BICRAL: variants seen among roughly 807,000 people sequenced by gnomAD.
BICRAL encodes the protein BICRA like chromatin remodeling complex associated protein.
BICRAL carries 8 observed loss-of-function variants against 91.8 expected under a neutral mutation model. The observed-to-expected ratio is 0.09, with a 90% CI of 0.05 to 0.16. The LOEUF (loss-of-function observed/expected upper bound fraction) is 0.16. Among genes scored for constraint, BICRAL ranks in the 10% least tolerant of loss-of-function variants. BICRAL has a pLI of 1.00. For synonymous variants in BICRAL, 445 were observed against 491.1 expected, an observed-to-expected ratio of 0.91 and a Z score of 1.24; for missense variants, 1,038 against 1,310.9, an observed-to-expected ratio of 0.79 and a Z score of 3.21.
In BICRAL at chr6:42,852,154, G is replaced by A. The variant is rs200632198; in HGVS notation, c.1902G>A (p.Leu634=). 1 of 1,613,822 alleles carries A rather than the reference G, an allele frequency of 6.2e-7. No individual in the cohort carries two copies. The highest frequency in any genetic ancestry group is 2.2e-5 in the East Asian group (1 of 44,876). The change falls in exon 7 of 13, where the codon CTG becomes CTA. Residue 634 remains leucine, a synonymous_variant. Coordinates refer to ENST00000314073, the MANE Select transcript of BICRAL (RefSeq NM_001393499.1). ...PISAPKTTDG[L]RQAQIPGLLS... is the part of the protein sequence containing the mutation. ...CTGCTCCCAAGACCACAGACGGCCTGAGGCAAGCACAGATCCCTGGGCTCT... is the reference window on the plus strand; with the variant it reads ...CTGCTCCCAAGACCACAGACGGCCTAAGGCAAGCACAGATCCCTGGGCTCT...
chr6:42,864,208 C>T (rs1581643478), intron 12 of BICRAL, among the ~76,000 whole-genome samples: 3 of 151,504 alleles, frequency 2.0e-5, no homozygotes, highest in African/African-American at 7.3e-5. Flanking sequence ...GGCATGGTGG[C>T]GGGCGCCTGT....
intron 6 of BICRAL, among the ~76,000 whole-genome samples, chr6:42,846,152 G>A (rs1765003434): frequency 1.3e-5 from 2 of 151,178 alleles, no homozygotes; most frequent in South Asian, 2.1e-4. Context: ...CGAGGCAGGC[G>A]CATCACGAGG....
rs201154175 is a variant in BICRAL, at chr6:42,832,389, A to ATG, written c.1839+2218_1839+2219insGT. ...ATATTATATATATATGTATGTATGT[A>ATG]TATATATATACATATATATGTATAT... On this transcript the variant is annotated intron_variant, in intron 6 of 12. Transcript: ENST00000314073. Among the ~76,000 whole-genome samples, 999 of 146,678 alleles carry ATG rather than the reference A, an allele frequency of 6.8e-3. 3 individuals carry two copies. Among genetic ancestry groups the ATG allele is most frequent in the African/African-American group, 0.022 (876 of 40,286 alleles).
intron 1 of BICRAL, among the ~76,000 whole-genome samples, chr6:42,750,350 G>A (rs1185860233): frequency 6.6e-6 from 1 of 151,120 alleles, no homozygotes; most frequent in Non-Finnish European, 1.5e-5. Context: ...TTTTTGCAAA[G>A]ACAGGGTTTT....
In BICRAL at chr6:42,789,341, C is replaced by A. The variant is rs993199161; in HGVS notation, c.-102+7240C>A. ...ATTGTAAATCTTACATATATTTTAC[C>A]ATAGTAAAAAATGAATTAGGCTGGG... On this transcript the variant is annotated intron_variant, in intron 1 of 12. Transcript: ENST00000314073. Among the ~76,000 whole-genome samples, 50 of 151,870 alleles carry A rather than the reference C, an allele frequency of 3.3e-4. 1 individual carries two copies. Among genetic ancestry groups the A allele is most frequent in the Non-Finnish European group, 1.5e-4 (10 of 67,968 alleles).
chr6:42,781,630 G>A (rs1035795110), upstream of BICRAL, among the ~76,000 whole-genome samples: 1 of 150,112 alleles, frequency 6.7e-6, no homozygotes, highest in Admixed American at 6.6e-5. Context: ...TGTGGAGAGA[G>A]AGCCTGCAAG....
chr6:42,789,758 G>A (rs867802064), intron 1 of BICRAL, among the ~76,000 whole-genome samples: 42 of 152,202 alleles, frequency 2.8e-4, no homozygotes, highest in Non-Finnish European at 4.9e-4. Flanking sequence ...TAAAGAGAAA[G>A]TATCTCTTCT....
At chr6:42,857,069 A>T in intron 9 of BICRAL, 22 bp from the exon 10 acceptor site, 1 of 1,593,716 alleles carries the variant, frequency 6.3e-7, no homozygotes, top group Non-Finnish European at 8.6e-7. Flanking sequence ...TTACATTGAC[A>T]TTGACCATTT....
chr6:42,762,925 C>T (rs1342759816), intron 1 of BICRAL, among the ~76,000 whole-genome samples: 1 of 148,076 alleles, frequency 6.8e-6, no homozygotes, highest in African/African-American at 2.5e-5. Flanking sequence ...GAGACTCTGT[C>T]TCAAAAAAAA....
intron 11 of BICRAL, 148 bp downstream of exon 11, chr6:42,860,504 T>C: frequency 1.8e-6 from 1 of 553,290 alleles, no homozygotes; most frequent in South Asian, 2.1e-5. Context: ...TAGCTGCTAC[T>C]ACAAAAACAG....
intron 1 of BICRAL, among the ~76,000 whole-genome samples, chr6:42,804,511 T>A (rs1213929979): frequency 6.6e-6 from 1 of 152,202 alleles, no homozygotes; most frequent in Admixed American, 6.5e-5. Flanking sequence ...GGCAGTGTCA[T>A]TTTACTCAAG....
intron 1 of BICRAL, among the ~76,000 whole-genome samples, chr6:42,808,100 G>T (rs1283997458): frequency 6.6e-6 from 1 of 150,938 alleles, no homozygotes; most frequent in Non-Finnish European, 1.5e-5. Context: ...AATATGATGA[G>T]ATTCCTGTTT....
At chr6:42,800,150 T>C (rs1022099976) in intron 1 of BICRAL, among the ~76,000 whole-genome samples, 47 of 152,100 alleles carry the variant, frequency 3.1e-4, no homozygotes, top group African/African-American at 1.1e-3. Context: ...CTGCAACCTC[T>C]GTCTTCCAGC....
intron 6 of BICRAL, among the ~76,000 whole-genome samples, chr6:42,844,285 G>A (rs1168293129): frequency 6.7e-6 from 1 of 149,662 alleles, no homozygotes; most frequent in Non-Finnish European, 1.5e-5. Flanking sequence ...CGAGGCAGGC[G>A]GATCACGAGG....
intron 1 of BICRAL, among the ~76,000 whole-genome samples, chr6:42,787,737 T>G (rs1316662393): frequency 6.6e-6 from 1 of 152,144 alleles, no homozygotes; most frequent in Non-Finnish European, 1.5e-5. Context: ...GTGACTGTTT[T>G]GACAAGTGGT....
At chr6:42,807,385 A>G (rs1450426617) in intron 1 of BICRAL, among the ~76,000 whole-genome samples, 2 of 151,102 alleles carry the variant, frequency 1.3e-5, no homozygotes, top group East Asian at 2.0e-4. Flanking sequence ...GGGTTTCACC[A>G]TGTTAGCCAG....
At chr6:42,834,585 C>T (rs1764589012) in intron 6 of BICRAL, among the ~76,000 whole-genome samples, 1 of 151,972 alleles carries the variant, frequency 6.6e-6, no homozygotes, top group Non-Finnish European at 1.5e-5. Context: ...TTACCTTTTT[C>T]TTTATGTGTG....
chr6:42,796,931 G>A lies in BICRAL; in HGVS notation c.-101-13375G>A, dbSNP rs141477279. ...ATGGTGGCGCATGCCTGTAATCCCA[G>A]CTACTTGGAAGACTGAGGCAGGAGA... On this transcript the variant is annotated intron_variant, in intron 1 of 12. Coordinates refer to ENST00000314073, the MANE Select transcript of BICRAL (RefSeq NM_001393499.1). Among the ~76,000 whole-genome samples, 918 of 151,678 alleles carry A rather than the reference G, an allele frequency of 6.1e-3. 4 individuals carry two copies. Among genetic ancestry groups the A allele is most frequent in the Middle Eastern group, 0.031 (9 of 294 alleles).
At chr6:42,864,563 C>A in intron 12 of BICRAL, 96 bp from the exon 13 acceptor site, 1 of 917,334 alleles carries the variant, frequency 1.1e-6, no homozygotes, top group Non-Finnish European at 1.7e-6. Flanking sequence ...GTGAGTGGGG[C>A]TGGCTTTGCC....
Sources: gnomAD v4.1 joint callset for allele counts (sites outside exome capture counted in the v4.1 genomes callset) on GRCh38, gnomAD v4.1.1 for gene constraint, MANE v1.5 for transcripts, NCBI Gene and HGNC (gene_info 2026-07-23, HGNC 2026-07-21) for gene names.